Variants in LSAMP observed in about 807,000 individuals in gnomAD.
The protein encoded by LSAMP is limbic system-associated membrane protein.
LSAMP carries 7 observed loss-of-function variants against 38.6 expected under a neutral mutation model. The ratio of observed to expected loss-of-function variants is 0.18; its 90% confidence interval spans 0.10 to 0.34. The LOEUF (loss-of-function observed/expected upper bound fraction) is 0.34, where lower values mean the gene tolerates loss of function less well. Ranked by LOEUF, LSAMP falls within the 10% of genes least tolerant of loss-of-function variation. LSAMP has a pLI of 1.00. For synonymous variants in LSAMP, 154 were observed against 166.8 expected, an observed-to-expected ratio of 0.92 and a Z score of 0.59; for missense variants, 313 against 420.0, an observed-to-expected ratio of 0.75 and a Z score of 2.23.
Position 115,808,449 on chromosome 3 carries a change from A to G in LSAMP, c.*1868T>C, listed in dbSNP as rs1263253476. ...AGAGAGCCAGCTCTCTCGGCAAGAC[A>G]TTTCCTAAGAAATCCTTCTGGTGAT... On this transcript the variant is annotated 3_prime_UTR_variant, in exon 7 of 7. Transcript: ENST00000490035. 2.0e-5 allele frequency: 3 copies of G among 152,056 alleles called. No individual in the cohort carries two copies. Among genetic ancestry groups the G allele is most frequent in the Non-Finnish European group, 4.4e-5 (3 of 68,016 alleles). The allele number at this position is 152,056 out of a possible 1,614,324, so 9.4% of individuals were successfully genotyped here.
intron 1 of LSAMP, among the ~76,000 whole-genome samples, chr3:116,251,830 G>T (rs1311690256): frequency 1.3e-5 from 2 of 152,118 alleles, no homozygotes; most frequent in African/African-American, 4.8e-5. Context: ...AAATCATGTT[G>T]TACCTTTAAA....
At chr3:116,265,350 T>C (rs778165940) in intron 1 of LSAMP, among the ~76,000 whole-genome samples, 1 of 152,188 alleles carries the variant, frequency 6.6e-6, no homozygotes. Flanking sequence ...ACTATTAAGC[T>C]CAATGTGGGA....
intron 1 of LSAMP, among the ~76,000 whole-genome samples, chr3:116,216,351 T>C (rs6438303): frequency 0.8 from 121,953 of 152,018 alleles, 49,716 homozygotes; most frequent in East Asian, 0.91. Context: ...GAATTGAACA[T>C]GCTACCCTAG....
chr3:116,345,818 A>T (rs1229526450), intron 1 of LSAMP, among the ~76,000 whole-genome samples: 1 of 152,176 alleles, frequency 6.6e-6, no homozygotes, highest in African/African-American at 2.4e-5. Context: ...AGAGAAGCTC[A>T]GGCTCTTATG....
intron 3 of LSAMP, among the ~76,000 whole-genome samples, chr3:115,939,381 T>G (rs1937817660): frequency 6.6e-6 from 1 of 152,162 alleles, no homozygotes; most frequent in South Asian, 2.1e-4. Context: ...TAAAGGGTAA[T>G]AGTTTACTTC....
chr3:116,118,013 G>A (rs1708792271), intron 1 of LSAMP, among the ~76,000 whole-genome samples: 1 of 152,036 alleles, frequency 6.6e-6, no homozygotes, highest in Non-Finnish European at 1.5e-5. Flanking sequence ...TCTGTAGAGA[G>A]GGAAAATGCT....
At chr3:116,112,316 A>G (rs1046279743) in intron 1 of LSAMP, among the ~76,000 whole-genome samples, 6 of 152,226 alleles carry the variant, frequency 3.9e-5, no homozygotes, top group African/African-American at 1.4e-4. Flanking sequence ...AAAAGGACGC[A>G]TAAGTATGAT....
At chr3:116,172,651 A>G (rs1308729364) in intron 1 of LSAMP, among the ~76,000 whole-genome samples, 8 of 151,978 alleles carry the variant, frequency 5.3e-5, no homozygotes, top group African/African-American at 1.9e-4. Flanking sequence ...AGTTTCTCTC[A>G]ATTCTTCTCT....
chr3:115,926,665 A>C (rs1486463899), intron 3 of LSAMP, among the ~76,000 whole-genome samples: 1 of 152,172 alleles, frequency 6.6e-6, no homozygotes, highest in Non-Finnish European at 1.5e-5. Flanking sequence ...GTGCATCAGG[A>C]GTTGAGAACC....
chr3:115,846,359 C>G (rs1232190853), intron 4 of LSAMP, among the ~76,000 whole-genome samples: 2 of 152,016 alleles, frequency 1.3e-5, no homozygotes, highest in African/African-American at 4.8e-5. Flanking sequence ...AAGACTCTTT[C>G]AATCAGAATA....
At chr3:115,927,835 C>T (rs1199826092) in intron 3 of LSAMP, among the ~76,000 whole-genome samples, 1 of 152,194 alleles carries the variant, frequency 6.6e-6, no homozygotes, top group Non-Finnish European at 1.5e-5. Flanking sequence ...CTTCTAAAGT[C>T]TGACTTTGAC....
intron 1 of LSAMP, among the ~76,000 whole-genome samples, chr3:116,167,980 G>A (rs1300172511): frequency 6.6e-6 from 1 of 152,142 alleles, no homozygotes. Context: ...AGGGGCCCAT[G>A]GAAGAGTAGA....
At chr3:116,251,839 A>C (rs2046688404) in intron 1 of LSAMP, among the ~76,000 whole-genome samples, 1 of 152,224 alleles carries the variant, frequency 6.6e-6, no homozygotes, top group Non-Finnish European at 1.5e-5. Context: ...TGTACCTTTA[A>C]ATTTAAATGG....
At chr3:115,839,758 A>G (rs933603711) in intron 6 of LSAMP, among the ~76,000 whole-genome samples, 2 of 152,234 alleles carry the variant, frequency 1.3e-5, no homozygotes, top group Non-Finnish European at 1.5e-5. Context: ...CAGGAAGTAC[A>G]TCATTAATCA....
intron 3 of LSAMP, among the ~76,000 whole-genome samples, chr3:115,867,344 A>T (rs1935889975): frequency 6.6e-6 from 1 of 152,118 alleles, no homozygotes; most frequent in Admixed American, 6.6e-5. Context: ...ACCTTATTGT[A>T]TCAATAGCTC....
chr3:116,347,428 C>G (rs934455765), intron 1 of LSAMP, among the ~76,000 whole-genome samples: 5 of 152,114 alleles, frequency 3.3e-5, no homozygotes, highest in African/African-American at 1.2e-4. Context: ...CAGGCAGCAA[C>G]TTAATGTGTG....
chr3:116,381,513 T>C (rs1030442913), intron 1 of LSAMP, among the ~76,000 whole-genome samples: 1 of 152,088 alleles, frequency 6.6e-6, no homozygotes, highest in African/African-American at 2.4e-5. Context: ...AGGGGAGTTA[T>C]CAGTAATGCT....
chr3:115,803,273 T>A lies in LSAMP; in HGVS notation c.*7044A>T, dbSNP rs576059215. On this transcript the variant is annotated 3_prime_UTR_variant, in exon 7 of 7. Coordinates refer to ENST00000490035, the MANE Select transcript of LSAMP (RefSeq NM_002338.5). ...ATAAGTAATCTAAGCACATCATATA[T>A]CCTTACCTACACAAAGTGATGTGAT... The A allele has an allele frequency of 2.3e-4, 35 of 152,312 alleles. No homozygotes were observed. Among genetic ancestry groups the A allele is most frequent in the African/African-American group, 8.2e-4 (34 of 41,566 alleles). 9.4% of individuals were successfully genotyped at this position (152,312 alleles called of 1,614,324 possible). A position where few individuals can be genotyped will look rare whatever the true frequency, so the allele number is the denominator to read the frequency against.
intron 1 of LSAMP, among the ~76,000 whole-genome samples, chr3:116,181,528 T>C (rs566682383): frequency 1.6e-4 from 24 of 152,022 alleles, no homozygotes; most frequent in Admixed American, 1.3e-4. Flanking sequence ...TGAACCTATT[T>C]CCTAAGGAGG....
Sources: allele counts gnomAD v4.1 joint callset (sites outside exome capture counted in the v4.1 genomes callset), GRCh38; gene constraint gnomAD v4.1.1; transcripts MANE v1.5; gene names NCBI Gene and HGNC (gene_info 2026-07-23, HGNC 2026-07-21).